Variants in IL15 observed in about 807,000 individuals in gnomAD.
IL15 encodes interleukin 15, also known as interleukin-15.
A neutral mutation model predicts 19.6 loss-of-function variants in IL15; 11 were observed. The observed-to-expected ratio is 0.56, with a 90% CI of 0.35 to 0.93. IL15 has a LOEUF of 0.93. Among genes scored for constraint, IL15 ranks in the 40% least tolerant of loss-of-function variants. IL15 has a pLI of 0.01. For missense variants in IL15, 197 were observed against 186.5 expected, an observed-to-expected ratio of 1.06 and a Z score of -0.33; for synonymous variants, 58 against 59.6, an observed-to-expected ratio of 0.97 and a Z score of 0.12.
At chr4:141,641,243 C>T (rs927067718) in intron 1 of IL15, among the ~76,000 whole-genome samples, 9 of 152,070 alleles carry the variant, frequency 5.9e-5, no homozygotes, top group East Asian at 1.9e-4. Context: ...GAAGGATTTT[C>T]GTTGTGAAAA....
At chr4:141,673,894 C>T (rs1357915039) in intron 2 of IL15, among the ~76,000 whole-genome samples, 1 of 152,084 alleles carries the variant, frequency 6.6e-6, no homozygotes, top group Non-Finnish European at 1.5e-5. Flanking sequence ...TCATTCAACC[C>T]ATATTTGTAC....
At chr4:141,657,657 C>T (rs919491227) in intron 2 of IL15, among the ~76,000 whole-genome samples, 1 of 152,190 alleles carries the variant, frequency 6.6e-6, no homozygotes, top group African/African-American at 2.4e-5. Flanking sequence ...CCTAGGTCTA[C>T]ACAGAGTCAG....
chr4:141,707,752 T>C (rs1264474191), intron 2 of IL15, among the ~76,000 whole-genome samples: 1 of 152,074 alleles, frequency 6.6e-6, no homozygotes, highest in East Asian at 1.9e-4. Context: ...GAGCACTGGG[T>C]TGGTTTTCAG....
chr4:141,722,011 G>A lies in IL15; in HGVS notation c.195+3G>A, dbSNP rs758623855. On this transcript the variant is annotated splice_donor_region_variant and intron_variant, in intron 5 of 7. Coordinates refer to ENST00000320650, the MANE Select transcript of IL15 (RefSeq NM_000585.5). ...AAAAAATTGAAGATCTTATTCAAGT[G>A]AGTACTCATTTTTCCATAAAATGCC... 4 of 1,577,066 alleles carry A rather than the reference G, an allele frequency of 2.5e-6. No individual in the cohort carries two copies. In the Admixed American group the frequency reaches 5.0e-5, roughly 20 times the overall value.
chr4:141,706,635 TTGTC>T (rs1729525372), intron 2 of IL15, among the ~76,000 whole-genome samples: 1 of 152,272 alleles, frequency 6.6e-6, no homozygotes, highest in Admixed American at 6.5e-5. Flanking sequence ...CAGTGTTTGT[TTGTC>T]TGGGAATGTC....
At chr4:141,666,350 T>A (rs1476510217) in intron 2 of IL15, among the ~76,000 whole-genome samples, 1 of 151,768 alleles carries the variant, frequency 6.6e-6, no homozygotes, top group Non-Finnish European at 1.5e-5. Context: ...TCCCCACCTT[T>A]TAATTTAAAA....
chr4:141,704,555 T>G (rs1161019788), intron 2 of IL15: 1 of 355,540 alleles, frequency 2.8e-6, no homozygotes, highest in African/African-American at 2.2e-5. Context: ...AATGCAGGCA[T>G]TATAAAATAA....
chr4:141,666,921 C>A (rs775854736), intron 2 of IL15, among the ~76,000 whole-genome samples: 4 of 152,172 alleles, frequency 2.6e-5, no homozygotes, highest in Admixed American at 1.3e-4. Flanking sequence ...CTCTCTTTGT[C>A]CAGTCATATT....
chr4:141,702,818 C>T (rs939404333), intron 2 of IL15, among the ~76,000 whole-genome samples: 6 of 152,066 alleles, frequency 3.9e-5, no homozygotes, highest in South Asian at 2.1e-4. Context: ...GTAGAGCTCC[C>T]AAAAGTTTAT....
At chr4:141,701,809 A>G (rs1435683031) in intron 2 of IL15, among the ~76,000 whole-genome samples, 1 of 152,174 alleles carries the variant, frequency 6.6e-6, no homozygotes, top group African/African-American at 2.4e-5. Flanking sequence ...TCCACCTCAT[A>G]GCCTCACTCC....
chr4:141,704,662 T>A, intron 2 of IL15: 1 of 299,952 alleles, frequency 3.3e-6, no homozygotes, highest in Non-Finnish European at 6.8e-6. Flanking sequence ...CAGTGAAGCT[T>A]TCAGGTCCTG....
chr4:141,651,276 T>C (rs1727397250), intron 1 of IL15, among the ~76,000 whole-genome samples: 1 of 152,034 alleles, frequency 6.6e-6, no homozygotes, highest in Non-Finnish European at 1.5e-5. Flanking sequence ...TCACGTCTTT[T>C]GCAGCAACAT....
At chr4:141,682,612 A>T (rs1233456842) in intron 2 of IL15, among the ~76,000 whole-genome samples, 1 of 152,214 alleles carries the variant, frequency 6.6e-6, no homozygotes, top group Non-Finnish European at 1.5e-5. Context: ...ACACATGTAC[A>T]TACATGTGTA....
At chr4:141,690,652 T>G (rs539357887) in intron 2 of IL15, among the ~76,000 whole-genome samples, 13 of 152,324 alleles carry the variant, frequency 8.5e-5, no homozygotes, top group Admixed American at 3.3e-4. Context: ...CTTGCTTCCT[T>G]TAAGCCCTCT....
At chr4:141,702,939 T>C (rs1438234469) in intron 2 of IL15, among the ~76,000 whole-genome samples, 1 of 152,194 alleles carries the variant, frequency 6.6e-6, no homozygotes, top group Non-Finnish European at 1.5e-5. Context: ...GCAGCCACTG[T>C]AAGAGGCATG....
At chr4:141,657,884 T>TTA (rs1727660707) in intron 2 of IL15, among the ~76,000 whole-genome samples, 1 of 152,234 alleles carries the variant, frequency 6.6e-6, no homozygotes, top group Non-Finnish European at 1.5e-5. Context: ...TATAGTATAA[T>TTA]AAATACATAA....
intron 1 of IL15, among the ~76,000 whole-genome samples, chr4:141,647,867 G>T (rs1189004039): frequency 6.6e-6 from 1 of 151,940 alleles, no homozygotes; most frequent in Non-Finnish European, 1.5e-5. Flanking sequence ...CATAGTATCT[G>T]CAGTGTTTCA....
intron 2 of IL15, among the ~76,000 whole-genome samples, chr4:141,707,964 C>T (rs1729580277): frequency 6.6e-6 from 1 of 152,228 alleles, no homozygotes; most frequent in African/African-American, 2.4e-5. Flanking sequence ...ATCCCTGTGG[C>T]AGTCTGTTGG....
At chr4:141,675,161 A>G (rs1005598216) in intron 2 of IL15, among the ~76,000 whole-genome samples, 1 of 151,848 alleles carries the variant, frequency 6.6e-6, no homozygotes, top group Non-Finnish European at 1.5e-5. Context: ...AAAAAAAAAA[A>G]CCAGATGAAC....
Sources: gnomAD v4.1 joint callset for allele counts (sites outside exome capture counted in the v4.1 genomes callset) on GRCh38, gnomAD v4.1.1 for gene constraint, MANE v1.5 for transcripts, NCBI Gene and HGNC (gene_info 2026-07-23, HGNC 2026-07-21) for gene names.